The following HNRNPUL2 variants were observed in gnomAD, a reference collection of about 807,000 sequenced individuals.
The protein encoded by HNRNPUL2 is heterogeneous nuclear ribonucleoprotein U-like protein 2.
Under a neutral mutation model 102.2 loss-of-function variants are expected in HNRNPUL2, and 27 were observed. The ratio of observed to expected loss-of-function variants is 0.26; its 90% CI spans 0.19 to 0.36. The LOEUF is 0.36. Ranked by LOEUF, HNRNPUL2 falls within the 10% of genes least tolerant of loss-of-function variation. HNRNPUL2 has a pLI of 1.00. For missense variants in HNRNPUL2, 936 were observed against 981.1 expected (o/e 0.95, Z 0.61); for synonymous variants, 458 against 387.2 (o/e 1.18, Z -2.15).
In HNRNPUL2 at chr11:62,715,240, G is replaced by A. The variant is rs2083650721; in HGVS notation, c.*59C>T. On this transcript the variant is annotated 3_prime_UTR_variant, in exon 14 of 14. Transcript: ENST00000301785. ...GTTTTCCTTGGTTGTGTTTTGCGGG[G>A]GTGCCTGGCACCCCCAGAGATTCAG... 1.4e-6 allele frequency: 2 copies of A among 1,415,242 alleles called. No homozygotes were observed. The highest frequency in any genetic ancestry group is 2.0e-6 in the Non-Finnish European group (2 of 1,016,814). The allele number at this position is 1,415,242 out of a possible 1,614,324, so 87.7% of individuals were successfully genotyped here.
intron 12 of HNRNPUL2, 122 bp from the exon 13 acceptor site, chr11:62,715,729 T>C (rs2083655463): frequency 3.5e-6 from 4 of 1,135,178 alleles, no homozygotes; most frequent in Non-Finnish European, 5.3e-6. Flanking sequence ...AATTTTCCCA[T>C]AGTAAATCTT....
In HNRNPUL2 at chr11:62,725,879, G is replaced by A. The variant is rs575555393; in HGVS notation, c.538+740C>T. ...CAGTCATTACCATTCAGGAACCGAG[G>A]GACCTGAAACGTAAAAGACTAGCAC... On this transcript the variant is annotated intron_variant, in intron 1 of 13. Transcript: ENST00000301785. Among the ~76,000 whole-genome samples, 113 of 152,214 alleles carry A rather than the reference G, an allele frequency of 7.4e-4. 1 individual carries two copies. Among genetic ancestry groups the A allele is most frequent in the African/African-American group, 2.5e-3 (102 of 41,520 alleles).
At chr11:62,717,885 C>G (rs2083672170) in intron 10 of HNRNPUL2, among the ~76,000 whole-genome samples, 1 of 152,230 alleles carries the variant, frequency 6.6e-6, no homozygotes, top group African/African-American at 2.4e-5. Context: ...TCATTTACCA[C>G]CTGTCCGTGA....
chr11:62,716,495 CA>C (rs1022498518), intron 11 of HNRNPUL2, among the ~76,000 whole-genome samples: 1 of 152,174 alleles, frequency 6.6e-6, no homozygotes, highest in African/African-American at 2.4e-5. Flanking sequence ...ACTAGACATT[CA>C]GGGGGAAAAT....
rs1011951023 is a variant in HNRNPUL2, at chr11:62,727,036, T to A, written c.121A>T (p.Met41Leu). ...CCGCCGCCGGCCTCGTCCTCGAGCA[T>A]CTCGGCGTCCAGCGCCTCCTGCAGC... ...QRLQEALDAE[M>L]LEDEAGGGGA... Residue 41 changes from methionine (M) to leucine (L), a missense_variant, in exon 1 of 14, where the codon ATG becomes TTG. This residue lies in a region of HNRNPUL2 where 327 missense variants were observed against 268.1 expected (regional missense o/e 1.22). Transcript: ENST00000301785. 7.1e-7 allele frequency: 1 copy of A among 1,399,034 alleles called. No individual in the cohort carries two copies. Among genetic ancestry groups the A allele is most frequent in the Non-Finnish European group, 9.3e-7 (1 of 1,071,274 alleles). 86.7% of individuals were successfully genotyped at this position (1,399,034 alleles called of 1,614,324 possible).
chr11:62,718,960 G>A (rs1295671399), intron 10 of HNRNPUL2, among the ~76,000 whole-genome samples: 1 of 151,824 alleles, frequency 6.6e-6, no homozygotes, highest in Non-Finnish European at 1.5e-5. Context: ...GAGTAGCTGT[G>A]ATTACAAGCG....
chr11:62,722,936 T>G, intron 4 of HNRNPUL2, 33 bp from the exon 5 acceptor site: 1 of 1,541,352 alleles, frequency 6.5e-7, no homozygotes, highest in Non-Finnish European at 9.0e-7. Flanking sequence ...TATTAGATAT[T>G]GTGACCAACT....
In HNRNPUL2 at chr11:62,722,865, C is replaced by T. The variant is rs1394392424; in HGVS notation, c.930G>A (p.Glu310=). The change falls in exon 5 of 14, where the codon GAG becomes GAA. Residue 310 remains glutamate, a synonymous_variant. Coordinates refer to ENST00000301785, the MANE Select transcript of HNRNPUL2 (RefSeq NM_001079559.3). ...ACCACCCAACTCGAAGGAGAGAGACCTCTGTGCAGCCTTCTTTCATTGGGA... is the reference window on the plus strand; with the variant it reads ...ACCACCCAACTCGAAGGAGAGAGACTTCTGTGCAGCCTTCTTTCATTGGGA... ...QNLPMKEGCT[E]VSLLRVGWSV... The T allele has an allele frequency of 1.2e-6, 2 of 1,614,146 alleles. No individual in the cohort carries two copies. The highest frequency in any genetic ancestry group is 1.7e-6 in the Non-Finnish European group (2 of 1,180,032).
intron 1 of HNRNPUL2, 89 bp downstream of exon 1, chr11:62,726,529 CA>C (rs2083748756): frequency 7.7e-7 from 1 of 1,305,504 alleles, no homozygotes; most frequent in Non-Finnish European, 1.0e-6. Context: ...CAAGCGAGAA[CA>C]AGGACTCGGA....
chr11:62,724,106 G>A (rs2083725612), intron 2 of HNRNPUL2, 116 bp from the exon 3 acceptor site: 2 of 1,180,312 alleles, frequency 1.7e-6, no homozygotes, highest in South Asian at 2.7e-5. Context: ...AATCCCAGCA[G>A]ACAGCTTTTT....
At position 62,721,886 on chromosome 11, in the gene HNRNPUL2, A is replaced by G. The variant is rs374760253; in HGVS notation, c.1416T>C (p.Tyr472=). 64 of 1,614,066 alleles carry G rather than the reference A, an allele frequency of 4.0e-5. No homozygotes were observed. The highest frequency in any genetic ancestry group is 5.4e-5 in the Non-Finnish European group (64 of 1,180,026). Residue 472 remains tyrosine, a synonymous_variant, in exon 8 of 14, where the codon TAT becomes TAC. Coordinates refer to ENST00000301785, the MANE Select transcript of HNRNPUL2 (RefSeq NM_001079559.3). The part of the protein sequence containing the change: ...GSGKTQWALK[Y]AKENPEKRYN... ...ATCTTTTCTCAGGGTTTTCTTTTGC[A>G]TATTTCAGTGCCCACTGGGTCTTTC... is the stretch of plus-strand genomic sequence containing the variant.
intron 3 of HNRNPUL2, 64 bp from the exon 4 acceptor site, chr11:62,723,790 T>A (rs2083722905): frequency 6.2e-7 from 1 of 1,608,774 alleles, no homozygotes; most frequent in Non-Finnish European, 8.5e-7. Flanking sequence ...CAACAGAGCA[T>A]AAGTATACCA....
chr11:62,722,943 A>AACT (rs1381342630), intron 4 of HNRNPUL2, 40 bp from the exon 5 acceptor site: 29 of 1,501,474 alleles, frequency 1.9e-5, no homozygotes, highest in Non-Finnish European at 2.6e-5. Flanking sequence ...TATTGTGACC[A>AACT]ACTGAGTAGC....
rs1766466402 is a variant in HNRNPUL2 at position 62,713,122 on chromosome 11, A to G, written c.*2177T>C. 6.6e-6 allele frequency: 1 copy of G among 152,206 alleles called. No homozygotes were observed. The highest frequency in any genetic ancestry group is 1.5e-5 in the Non-Finnish European group (1 of 68,038). 9.4% of individuals were successfully genotyped at this position (152,206 alleles called of 1,614,324 possible). A position where few individuals can be genotyped will look rare whatever the true frequency, so the allele number is the denominator to read the frequency against. On this transcript the variant is annotated 3_prime_UTR_variant, in exon 14 of 14. Transcript: ENST00000301785. ...GTAAAAAAGATTACTTTCTAGTGTC[A>G]AATATCAACAGCGAGTACCTCCCCT...
At chr11:62,715,466 C>T (rs1166115939) in intron 13 of HNRNPUL2, 34 bp downstream of exon 13, 9 of 1,585,264 alleles carry the variant, frequency 5.7e-6, no homozygotes, top group Non-Finnish European at 7.8e-6. Context: ...TCCTGCCCCC[C>T]TTCACCCTGT....
chr11:62,723,759 T>C (rs759141539), intron 3 of HNRNPUL2, 33 bp from the exon 4 acceptor site: 3 of 1,613,292 alleles, frequency 1.9e-6, no homozygotes, highest in Admixed American at 1.7e-5. Flanking sequence ...TTTACTCCAA[T>C]GTCCAATACT....
At chr11:62,725,324 A>G (rs2083737012) in intron 1 of HNRNPUL2, among the ~76,000 whole-genome samples, 1 of 152,232 alleles carries the variant, frequency 6.6e-6, no homozygotes, top group Non-Finnish European at 1.5e-5. Context: ...CAGCCTCCCA[A>G]GAAGCTGGGA....
At chr11:62,721,274 G>C (rs975872341) in intron 9 of HNRNPUL2, 21 bp downstream of exon 9, 1 of 1,593,972 alleles carries the variant, frequency 6.3e-7, no homozygotes. Flanking sequence ...TTGACTCTAG[G>C]CAATTTTATC....
At chr11:62,719,271 C>T (rs573251383) in intron 10 of HNRNPUL2, among the ~76,000 whole-genome samples, 1 of 152,152 alleles carries the variant, frequency 6.6e-6, no homozygotes, top group African/African-American at 2.4e-5. Context: ...GGCAATATGG[C>T]GAAACCCCAT....
Sources: allele counts gnomAD v4.1 joint callset (sites outside exome capture counted in the v4.1 genomes callset), GRCh38; gene constraint gnomAD v4.1.1; regional missense constraint gnomAD v4.1.1; transcripts MANE v1.5; gene names NCBI Gene and HGNC (gene_info 2026-07-23, HGNC 2026-07-21).